DCAF5: variants seen among roughly 807,000 people sequenced by gnomAD.
DCAF5 encodes DDB1 and CUL4 associated factor 5, also known as DDB1- and CUL4-associated factor 5.
A neutral mutation model predicts 80.7 loss-of-function variants in DCAF5; 9 were observed. That is an observed-to-expected ratio of 0.11 (90% CI 0.07 to 0.19). DCAF5 has a LOEUF of 0.19. DCAF5 is among the 10% of genes least tolerant of loss of function. DCAF5 has a pLI of 1.00. For synonymous variants in DCAF5, 433 were observed against 461.9 expected (o/e 0.94, Z 0.80); for missense variants, 842 against 1,205.7 (o/e 0.70, Z 4.47).
intron 1 of DCAF5, among the ~76,000 whole-genome samples, chr14:69,137,838 A>G (rs2041242266): frequency 6.6e-6 from 1 of 151,826 alleles, no homozygotes; most frequent in Non-Finnish European, 1.5e-5. Flanking sequence ...ATTACAGTAT[A>G]ATATTATAAT....
chr14:69,084,053 C>T (rs758249042), intron 6 of DCAF5: 10 of 780,778 alleles, frequency 1.3e-5, no homozygotes, highest in African/African-American at 1.7e-5. Flanking sequence ...CTACAAAAAC[C>T]GTCAGTGGTA....
intron 1 of DCAF5, among the ~76,000 whole-genome samples, chr14:69,145,075 T>A (rs557521898): frequency 6.6e-6 from 1 of 152,350 alleles, no homozygotes; most frequent in South Asian, 2.1e-4. Context: ...TTAAATTGAT[T>A]TGCATGATGA....
intron 6 of DCAF5, among the ~76,000 whole-genome samples, chr14:69,081,112 G>C (rs141094613): frequency 6.6e-6 from 1 of 152,024 alleles, no homozygotes; most frequent in Admixed American, 6.6e-5. Context: ...AACTCACTTC[G>C]CACAGCCTTT....
In DCAF5 at chr14:69,108,897, C is replaced by T. The variant is rs147624019; in HGVS notation, c.665+7469G>A. ...AATACCACCAAAATTTCTAGGTCCA[C>T]CTGACTCTTCTCGTTCTCTCTTTTG... On this transcript the variant is annotated intron_variant, in intron 5 of 8. Coordinates refer to ENST00000341516, the MANE Select transcript of DCAF5 (RefSeq NM_003861.3). Among the ~76,000 whole-genome samples the T allele has an allele frequency of 2.6e-3, 389 of 152,286 alleles. 2 individuals carry two copies. The highest frequency in any genetic ancestry group is 6.6e-3 in the Admixed American group (101 of 15,286).
intron 8 of DCAF5, among the ~76,000 whole-genome samples, chr14:69,061,302 T>C (rs1281458660): frequency 6.6e-6 from 1 of 152,160 alleles, no homozygotes; most frequent in Non-Finnish European, 1.5e-5. Context: ...AAAATCGAGG[T>C]ATTTTAGCTT....
intron 7 of DCAF5, among the ~76,000 whole-genome samples, chr14:69,066,303 T>G (rs1466701961): frequency 1.3e-5 from 2 of 151,904 alleles, no homozygotes; most frequent in Non-Finnish European, 2.9e-5. Context: ...CCCAGCTAAT[T>G]TTTTTGTATT....
Sources: gnomAD v4.1 joint callset for allele counts (sites outside exome capture counted in the v4.1 genomes callset) on GRCh38, gnomAD v4.1.1 for gene constraint, MANE v1.5 for transcripts, NCBI Gene and HGNC (gene_info 2026-07-23, HGNC 2026-07-21) for gene names.